Variants in HSD17B13 observed in about 807,000 individuals in gnomAD.
The protein encoded by HSD17B13 is hydroxysteroid 17-beta dehydrogenase 13.
HSD17B13 carries 26 observed loss-of-function variants against 31.1 expected under a neutral mutation model. That is an observed-to-expected ratio of 0.84 (90% CI 0.61 to 1.16). The LOEUF (loss-of-function observed/expected upper bound fraction) is 1.16. Ranked by LOEUF, HSD17B13 falls within the 50% of genes most tolerant of loss-of-function variation. The pLI is 0.00. For synonymous variants in HSD17B13, 141 were observed against 133.7 expected, an observed-to-expected ratio of 1.05 and a Z score of -0.38; for missense variants, 374 against 366.5, an observed-to-expected ratio of 1.02 and a Z score of -0.17.
At position 87,313,320 on chromosome 4, in the gene HSD17B13, G is replaced by T. The variant is rs1038206380; in HGVS notation, c.695+503C>A. 2.0e-5 allele frequency among the ~76,000 whole-genome samples: 3 copies of T among 152,300 alleles called. No individual in the cohort carries two copies. In the East Asian group the frequency reaches 5.8e-4, roughly 29 times the overall value. ...CGAATCATTAAGCTTAGTATATTTT[G>T]TTAACCTGCAGCAGAATATATACTA... On this transcript the variant is annotated intron_variant, in intron 5 of 6. Coordinates refer to ENST00000328546, the MANE Select transcript of HSD17B13 (RefSeq NM_178135.5).
intron 5 of HSD17B13, among the ~76,000 whole-genome samples, chr4:87,312,518 CTTTTTTTTTTTTT>C (rs747820120): frequency 2.8e-5 from 2 of 71,634 alleles, no homozygotes; most frequent in African/African-American, 6.0e-5. Flanking sequence ...ACCTTTAATT[CTTTTTTTTTTTTT>C]TTTTTTTTTT....
chr4:87,305,961 T>G (rs1734381209), intron 6 of HSD17B13, among the ~76,000 whole-genome samples: 1 of 152,166 alleles, frequency 6.6e-6, no homozygotes, highest in Non-Finnish European at 1.5e-5. Context: ...ATTAAAACTC[T>G]CATTTCATGT....
intron 6 of HSD17B13, among the ~76,000 whole-genome samples, chr4:87,306,133 C>T (rs1734384094): frequency 6.6e-6 from 1 of 152,178 alleles, no homozygotes; most frequent in African/African-American, 2.4e-5. Flanking sequence ...TTAAATCAAT[C>T]TGTCTGAACC....
chr4:87,310,202 T>A, intron 6 of HSD17B13, 41 bp downstream of exon 6: 2 of 1,497,586 alleles, frequency 1.3e-6, no homozygotes, highest in South Asian at 1.3e-5. Flanking sequence ...AAAAAAGCTC[T>A]ATTGGTGTTT....
chr4:87,314,637 TCTCTCA>T (rs1033114703), intron 4 of HSD17B13, among the ~76,000 whole-genome samples: 1 of 138,368 alleles, frequency 7.2e-6, no homozygotes, highest in African/African-American at 3.1e-5. Flanking sequence ...TCTCTCTCTC[TCTCTCA>T]CACACACACA....
intron 6 of HSD17B13, among the ~76,000 whole-genome samples, chr4:87,307,499 A>AT (rs879314069): frequency 7.3e-5 from 11 of 151,526 alleles, no homozygotes; most frequent in African/African-American, 1.5e-4. Context: ...GTCAACTTTT[A>AT]TTTTTTTTCA....
intron 1 of HSD17B13, among the ~76,000 whole-genome samples, chr4:87,322,294 T>A (rs1442328114): frequency 6.6e-6 from 1 of 152,180 alleles, no homozygotes; most frequent in Non-Finnish European, 1.5e-5. Flanking sequence ...AATTTTCAGA[T>A]CCCGTTCTTG....
intron 6 of HSD17B13, among the ~76,000 whole-genome samples, chr4:87,308,995 A>G (rs1014392863): frequency 1.3e-5 from 2 of 151,710 alleles, no homozygotes; most frequent in Non-Finnish European, 2.9e-5. Context: ...AGACTGCAAA[A>G]TATGAGATCA....
intron 1 of HSD17B13, 37 bp downstream of exon 1, chr4:87,322,595 T>C (rs2110106005): frequency 7.3e-7 from 1 of 1,372,044 alleles, no homozygotes; most frequent in Non-Finnish European, 1.0e-6. Flanking sequence ...CATATCTTAC[T>C]CTGTGACTTT....
intron 6 of HSD17B13, among the ~76,000 whole-genome samples, chr4:87,309,026 T>C (rs1734463680): frequency 6.7e-6 from 1 of 150,198 alleles, no homozygotes; most frequent in Admixed American, 6.6e-5. Context: ...ATCCAATATA[T>C]ACTGACAACA....
intron 4 of HSD17B13, 119 bp from the exon 5 acceptor site, chr4:87,314,079 G>T: frequency 1.5e-6 from 1 of 670,302 alleles, no homozygotes; most frequent in Non-Finnish European, 2.3e-6. Context: ...TCAGCCACTT[G>T]TGATTTTTCT....
At chr4:87,319,443 TG>T (rs1734730793) in intron 1 of HSD17B13, among the ~76,000 whole-genome samples, 2 of 152,232 alleles carry the variant, frequency 1.3e-5, no homozygotes, top group Non-Finnish European at 2.9e-5. Context: ...CGTGGTGTCA[TG>T]GAAGATGAAT....
At position 87,305,258 on chromosome 4, in the gene HSD17B13, T is replaced by A. The variant is rs377336594; in HGVS notation, c.863A>T (p.Gln288Leu). ...TTTGTGGCCAACCACTGCTTCAAAT[T>A]GAATATTCTGCATACGATTTAAAAT... Reference protein sequence around the residue: ...SAILNRMQNIQFEAVVGHKIK... With the variant: ...SAILNRMQNILFEAVVGHKIK... The change falls in exon 7 of 7, where the codon CAA (glutamine) becomes CTA (leucine). Residue 288 changes from glutamine to leucine, a missense_variant. Coordinates refer to ENST00000328546, the MANE Select transcript of HSD17B13 (RefSeq NM_178135.5). 1.2e-6 allele frequency: 2 copies of A among 1,609,718 alleles called. No individual in the cohort carries two copies. The highest frequency in any genetic ancestry group is 1.3e-5 in the African/African-American group (1 of 74,848).
intron 6 of HSD17B13, among the ~76,000 whole-genome samples, chr4:87,309,234 G>A (rs6531970): frequency 0.82 from 123,911 of 151,330 alleles, 51,616 homozygotes; most frequent in African/African-American, 0.94. Flanking sequence ...AACACAAAAA[G>A]TTAGTTGGGC....
chr4:87,309,930 C>T (rs562791230), intron 6 of HSD17B13, among the ~76,000 whole-genome samples: 1 of 152,162 alleles, frequency 6.6e-6, no homozygotes, highest in East Asian at 1.9e-4. Context: ...GAGGCCGAGA[C>T]AGGAGGATAA....
intron 3 of HSD17B13, 24 bp downstream of exon 3, chr4:87,317,068 G>A (rs374101728): frequency 1.2e-6 from 2 of 1,611,800 alleles, no homozygotes; most frequent in Non-Finnish European, 1.7e-6. Context: ...GCACAAATCA[G>A]AAATGTTTCT....
At position 87,318,341 on chromosome 4, in the gene HSD17B13, G is replaced by A. The variant is rs372050636; in HGVS notation, c.306C>T (p.Arg102=). The A allele has an allele frequency of 6.0e-5, 97 of 1,612,234 alleles. No individual in the cohort carries two copies. The highest frequency in any genetic ancestry group is 7.6e-5 in the Non-Finnish European group (89 of 1,178,394). The change falls in exon 2 of 7, where the codon CGC becomes CGT. Residue 102 remains arginine (R), a synonymous_variant. Transcript: ENST00000328546. ...VDCSNREEIY[R]SLNQVKKEVG... ...CCTGCAGTCTCACCTGATTTAGAGA[G>A]CGATAGATCTCTTCTCTGTTGCTGC...
At chr4:87,322,481 C>T (rs780607960) in intron 1 of HSD17B13, 151 bp downstream of exon 1, 11 of 629,462 alleles carry the variant, frequency 1.7e-5, no homozygotes, top group Non-Finnish European at 2.8e-5. Flanking sequence ...CTTCATCTAA[C>T]TAACCTGACA....
intron 5 of HSD17B13, among the ~76,000 whole-genome samples, chr4:87,311,713 G>C (rs1233114102): frequency 2.6e-5 from 4 of 152,304 alleles, no homozygotes; most frequent in Non-Finnish European, 5.9e-5. Context: ...GAATGTAAAG[G>C]CTGGGTGAGG....
Sources: allele counts gnomAD v4.1 joint callset (sites outside exome capture counted in the v4.1 genomes callset), GRCh38; gene constraint gnomAD v4.1.1; transcripts MANE v1.5; gene names NCBI Gene and HGNC (gene_info 2026-07-23, HGNC 2026-07-21).